Variants in ANO1 observed in about 807,000 individuals in gnomAD.
ANO1 encodes the protein anoctamin 1, also known as anoctamin-1.
A neutral mutation model predicts 124.0 loss-of-function variants in ANO1; 59 were observed. The observed-to-expected ratio is 0.48, with a 90% CI of 0.39 to 0.59. ANO1 has a LOEUF of 0.59. Among genes scored for constraint, ANO1 ranks in the 20% least tolerant of loss-of-function variants. ANO1 has a pLI of 0.00. For missense variants in ANO1, 1,059 were observed against 1,328.0 expected (o/e 0.80, Z 3.15); for synonymous variants, 529 against 532.0 (o/e 0.99, Z 0.08).
rs139931750 is a variant in ANO1 at position 69,988,112 on chromosome 11, C to A, written c.58+1946C>A. On this transcript the variant is annotated intron_variant, in intron 1 of 27. Transcript: ENST00000531349. ...GGCATGAAGAAATTCCATGGGAAGC[C>A]TCACAGCACCACGCCACTTTCGCTC... is the stretch of plus-strand genomic sequence containing the variant. Among the ~76,000 whole-genome samples the A allele has an allele frequency of 2.8e-4, 43 of 152,336 alleles. No homozygotes were observed. In the East Asian group the frequency reaches 8.3e-3, roughly 29 times the overall value.
At chr11:70,135,758 C>A (rs1205465510) in intron 11 of ANO1, among the ~76,000 whole-genome samples, 4 of 152,244 alleles carry the variant, frequency 2.6e-5, no homozygotes, top group Non-Finnish European at 5.9e-5. Flanking sequence ...GCTGAAGGAG[C>A]CCGGATGAAG....
At chr11:69,976,908 C>T in the ANO1 span, among the ~76,000 whole-genome samples, 35 of 152,190 alleles carry the variant, frequency 2.3e-4, no homozygotes, top group African/African-American at 8.2e-4. Context: ...GGGTCCCTGG[C>T]AGGGGTGAAC....
intron 1 of ANO1, chr11:70,085,782 A>G: frequency 7.8e-7 from 1 of 1,290,152 alleles, no homozygotes; most frequent in Non-Finnish European, 1.0e-6. Flanking sequence ...CCCCCACTGC[A>G]GTGCTGACTG....
At chr11:70,075,000 T>G (rs2044040912), upstream of ANO1, 1 of 152,256 alleles carries the variant, frequency 6.6e-6, no homozygotes, top group Non-Finnish European at 1.5e-5. Context: ...TCAGCCTCAC[T>G]TTACAAAAGA....
intron 7 of ANO1, among the ~76,000 whole-genome samples, chr11:70,114,449 A>G (rs2045902771): frequency 6.6e-6 from 1 of 152,170 alleles, no homozygotes; most frequent in South Asian, 2.1e-4. Context: ...AGGGAAGTTC[A>G]GGCTGGCCTC....
intron 21 of ANO1, among the ~76,000 whole-genome samples, chr11:70,167,819 G>C (rs929383771): frequency 3.3e-5 from 5 of 152,156 alleles, no homozygotes; most frequent in Admixed American, 3.3e-4. Flanking sequence ...GCCCTGCTAA[G>C]CTGCAAGATC....
upstream of ANO1, among the ~76,000 whole-genome samples, chr11:70,074,616 G>A (rs2044033566): frequency 6.6e-6 from 1 of 152,070 alleles, no homozygotes; most frequent in Non-Finnish European, 1.5e-5. Flanking sequence ...AGGTCCAGTT[G>A]ACATGCAGGT....
At chr11:70,077,941 G>T (rs1472057912), upstream of ANO1, among the ~76,000 whole-genome samples, 2 of 152,118 alleles carry the variant, frequency 1.3e-5, no homozygotes, top group East Asian at 3.9e-4. Flanking sequence ...CAAGCTCCCC[G>T]GAGGAGGTGA....
chr11:70,131,336 C>T (rs527604542), intron 10 of ANO1, among the ~76,000 whole-genome samples: 26 of 140,498 alleles, frequency 1.9e-4, no homozygotes, highest in African/African-American at 4.2e-4. Context: ...TGTGTGTGCG[C>T]GTCTGTGTTG....
chr11:70,111,781 C>A lies in ANO1; in HGVS notation c.855+19C>A. Reference sequence around the variant, plus strand: ...GCACGATGTAAGTAACCTTGACACACGATTTATCTCTGCGTCATTTGACTC... The same window carrying A: ...GCACGATGTAAGTAACCTTGACACAAGATTTATCTCTGCGTCATTTGACTC... On this transcript the variant is annotated intron_variant, in intron 7 of 25. Transcript: ENST00000355303. The A allele has an allele frequency of 6.2e-7, 1 of 1,613,344 alleles. No homozygotes were observed.
chr11:70,103,945 G>A lies in ANO1; in HGVS notation c.541-54G>A, dbSNP rs377526582. On this transcript the variant is annotated intron_variant, in intron 3 of 25. Transcript: ENST00000355303. ...CTGACCATCCGAGAACAGATTCCACGGATCATGGTCCAGCAGGGTGACGCA... is the reference window on the plus strand; with the variant it reads ...CTGACCATCCGAGAACAGATTCCACAGATCATGGTCCAGCAGGGTGACGCA... 1.8e-5 allele frequency: 28 copies of A among 1,568,354 alleles called. 1 individual carries two copies. The East Asian group carries it at 2.8e-4, about 15-fold the overall frequency.
chr11:70,091,805 G>A (rs2044636466), intron 2 of ANO1, among the ~76,000 whole-genome samples: 1 of 152,222 alleles, frequency 6.6e-6, no homozygotes, highest in South Asian at 2.1e-4. Flanking sequence ...ACAGGAGTGA[G>A]CAACCCCTAT....
At chr11:70,010,179 G>GTATGTGTGTTTATATATATATATA (rs1188271051) in intron 1 of ANO1, among the ~76,000 whole-genome samples, 2 of 83,776 alleles carry the variant, frequency 2.4e-5, no homozygotes, top group Non-Finnish European at 4.8e-5. Context: ...GTGTGTGTGT[G>GTATGTGTGTTTATATATATATATA]TATATATATA....
rs1264679090 is a variant in ANO1, at chr11:70,188,414, G to C, written c.*410G>C. The C allele has an allele frequency of 5.9e-6, 1 of 168,496 alleles. No individual in the cohort carries two copies. The highest frequency in any genetic ancestry group is 1.3e-5 in the Non-Finnish European group (1 of 79,124). 10.4% of individuals were successfully genotyped at this position (168,496 alleles called of 1,614,324 possible). ...ATGCAAAATGGTAAGCCGAGGCATCGCGCAAAAGCTGGTGCGATGCTTCAG... is the reference window on the plus strand; with the variant it reads ...ATGCAAAATGGTAAGCCGAGGCATCCCGCAAAAGCTGGTGCGATGCTTCAG... On this transcript the variant is annotated 3_prime_UTR_variant, in exon 26 of 26. Transcript: ENST00000355303.
At position 70,173,879 on chromosome 11, in the gene ANO1, C is replaced by A. The variant is rs11235477; in HGVS notation, c.2350+2840C>A. Among the ~76,000 whole-genome samples, 52 of 151,812 alleles carry A rather than the reference C, an allele frequency of 3.4e-4. No homozygotes were observed. In the South Asian group the frequency reaches 9.8e-3, roughly 29 times the overall value. ...CAGCCTGGCCAATATGGTGAAACTG[C>A]GTCTCTACTAAAAATACAAAAATTA... On this transcript the variant is annotated intron_variant, in intron 22 of 25. Transcript: ENST00000355303.
At chr11:70,111,097 C>T (rs1433399604) in intron 6 of ANO1, 1 of 456,268 alleles carries the variant, frequency 2.2e-6, no homozygotes, top group Non-Finnish European at 4.4e-6. Flanking sequence ...CAGGCCCTTC[C>T]ACCTCACTAA....
chr11:69,993,601 T>C (rs1856198891), intron 1 of ANO1, among the ~76,000 whole-genome samples: 1 of 152,210 alleles, frequency 6.6e-6, no homozygotes, highest in African/African-American at 2.4e-5. Context: ...CATCCCTTAT[T>C]CAAGTCACAA....
chr11:70,114,402 C>T (rs924744912), intron 7 of ANO1, among the ~76,000 whole-genome samples: 3 of 152,204 alleles, frequency 2.0e-5, no homozygotes, highest in East Asian at 1.9e-4. Flanking sequence ...TGGCCTGAGC[C>T]GCGTGCACCC....
upstream of ANO1, among the ~76,000 whole-genome samples, chr11:69,984,690 G>T (rs1291334114): frequency 6.6e-6 from 1 of 152,158 alleles, no homozygotes; most frequent in East Asian, 1.9e-4. Flanking sequence ...CTGTCCTCCA[G>T]GGGTAGCCGG....
Sources: allele counts gnomAD v4.1 joint callset (sites outside exome capture counted in the v4.1 genomes callset), GRCh38; gene constraint gnomAD v4.1.1; transcripts MANE v1.5; gene names NCBI Gene and HGNC (gene_info 2026-07-23, HGNC 2026-07-21).